Variants in CTSB observed in about 807,000 individuals in gnomAD.
The protein encoded by CTSB is APP secretase.
A neutral mutation model predicts 44.3 loss-of-function variants in CTSB; 57 were observed. That is an observed-to-expected ratio of 1.29 (90% CI 1.04 to 1.60). CTSB has a LOEUF of 1.60. CTSB is among the 40% of genes most tolerant of loss of function. The pLI is 0.00. For synonymous variants in CTSB, 320 were observed against 168.0 expected (o/e 1.91, Z -7.00); for missense variants, 768 against 443.0 (o/e 1.73, Z -6.59).
rs2130983958 is a variant in CTSB at position 11,845,794 on chromosome 8, A to G, written c.794-5T>C. 6.2e-7 allele frequency: 1 copy of G among 1,610,908 alleles called. No homozygotes were observed. The highest frequency in any genetic ancestry group is 8.5e-7 in the Non-Finnish European group (1 of 1,177,916). On this transcript the variant is annotated splice_region_variant and splice_polypyrimidine_tract_variant and intron_variant, in intron 8 of 9. Transcript: ENST00000353047. Reference sequence around the variant, plus strand: ...CGGTGACGTGTTGGTACACTCCTGAAAAGGGAAGAACTGGCTGAGACCGAG... The same window carrying G: ...CGGTGACGTGTTGGTACACTCCTGAGAAGGGAAGAACTGGCTGAGACCGAG...
At chr8:11,847,011 C>T in intron 8 of CTSB, 41 bp downstream of exon 8, 2 of 993,658 alleles carry the variant, frequency 2.0e-6, no homozygotes, top group South Asian at 2.5e-5. Flanking sequence ...GGCTCCCCTC[C>T]CGACCCCCAC....
At position 11,849,067 on chromosome 8, in the gene CTSB, C is replaced by T; in HGVS notation, c.425G>A (p.Cys142Tyr). Reference sequence around the variant, plus strand: ...TCACCCGTCCCCACACATGCTGCCACAGCATGTGAGCAGGTCCTCCGCCGA... The same window carrying T: ...TCACCCGTCCCCACACATGCTGCCATAGCATGTGAGCAGGTCCTCCGCCGA... ...EVSAEDLLTC[C>Y]GSMCGDGCNG... The change falls in exon 5 of 10, where the codon TGT becomes TAT. Residue 142 changes from cysteine to tyrosine, a missense_variant. By Grantham distance (194) the Cys-to-Tyr change is radical. Coordinates refer to ENST00000353047, the MANE Select transcript of CTSB (RefSeq NM_001908.5). 1 of 1,613,284 alleles carries T rather than the reference C, an allele frequency of 6.2e-7. No individual in the cohort carries two copies. The highest frequency in any genetic ancestry group is 8.5e-7 in the Non-Finnish European group (1 of 1,179,582).
At chr8:11,858,294 TG>T (rs1438319007) in intron 1 of CTSB, among the ~76,000 whole-genome samples, 1 of 152,144 alleles carries the variant, frequency 6.6e-6, no homozygotes, top group African/African-American at 2.4e-5. Flanking sequence ...AAAACAAGTT[TG>T]TTTTTTTTGT....
chr8:11,848,684 A>T (rs1415374695), intron 5 of CTSB: 7 of 301,640 alleles, frequency 2.3e-5, no homozygotes, highest in South Asian at 2.3e-4. Context: ...CTTGTTGTTA[A>T]GGTGGAGCCA....
chr8:11,845,279 A>G, intron 9 of CTSB, 57 bp from the exon 10 acceptor site: 1 of 1,337,234 alleles, frequency 7.5e-7, no homozygotes, highest in Non-Finnish European at 1.1e-6. Flanking sequence ...CAATATAGTC[A>G]GACTCATCCT....
At chr8:11,859,902 G>C (rs986321361) in intron 1 of CTSB, among the ~76,000 whole-genome samples, 1 of 150,954 alleles carries the variant, frequency 6.6e-6, no homozygotes, top group Non-Finnish European at 1.5e-5. Flanking sequence ...GTGAAACCCT[G>C]TCTCTACTAA....
chr8:11,865,749 C>G (rs890909823), intron 1 of CTSB, among the ~76,000 whole-genome samples: 2 of 151,374 alleles, frequency 1.3e-5, no homozygotes, highest in African/African-American at 4.9e-5. Context: ...GTGGCTCATG[C>G]CTGTAATCCT....
At chr8:11,856,198 G>C (rs1815482085) in intron 1 of CTSB, among the ~76,000 whole-genome samples, 1 of 134,062 alleles carries the variant, frequency 7.5e-6, no homozygotes, top group Non-Finnish European at 1.6e-5. Flanking sequence ...GGGTGGGTGG[G>C]CACAACCACC....
At position 11,846,891 on chromosome 8, in the gene CTSB, CCA is replaced by C. The variant is rs148953753; in HGVS notation, c.793+159_793+160del. ...AAAGACAGTCAGGTGCCAGGCTGGTCCACAGAGGAGTGAGCCTATATGGAAGG... is the reference window on the plus strand; with the variant it reads ...AAAGACAGTCAGGTGCCAGGCTGGTCCAGAGGAGTGAGCCTATATGGAAGG... On this transcript the variant is annotated intron_variant, in intron 8 of 9. Transcript: ENST00000353047. 7.4e-4 allele frequency: 451 copies of C among 609,512 alleles called. No homozygotes were observed. In the African/African-American group the frequency reaches 7.5e-3, roughly 10 times the overall value. 37.8% of individuals were successfully genotyped at this position (609,512 alleles called of 1,614,324 possible). A position where few individuals can be genotyped will look rare whatever the true frequency, so the allele number is the denominator to read the frequency against.
intron 1 of CTSB, among the ~76,000 whole-genome samples, chr8:11,855,189 T>A (rs1264431012): frequency 6.6e-6 from 1 of 152,086 alleles, no homozygotes; most frequent in Non-Finnish European, 1.5e-5. Context: ...GCCCAGCTAA[T>A]TTTCATATTT....
At chr8:11,860,855 G>A (rs1010145754) in intron 1 of CTSB, among the ~76,000 whole-genome samples, 1 of 152,162 alleles carries the variant, frequency 6.6e-6, no homozygotes, top group African/African-American at 2.4e-5. Context: ...AGTTGCTCCT[G>A]AAGTTTTGAC....
rs1385363647 is a variant in CTSB, at chr8:11,849,146, C to T, written c.346G>A (p.Ala116Thr). 1.9e-6 allele frequency: 3 copies of T among 1,612,514 alleles called. No individual in the cohort carries two copies. Among genetic ancestry groups the T allele is most frequent in the Admixed American group, 1.7e-5 (1 of 59,986 alleles). The stretch of plus-strand genomic sequence containing the variant: ...TGGATGCAGATCCGGTCAGAGATGG[C>T]TTCCACAGCCCCGAAGGCCTGCAGG... ...GSCWAFGAVE[A>T]ISDRICIHTN... The change falls in exon 5 of 10, where the codon GCC (alanine) becomes ACC (threonine). Residue 116 changes from alanine (A) to threonine (T), a missense_variant. Transcript: ENST00000353047.
rs1396751370 is a variant in CTSB, at chr8:11,842,810, A to G, written c.*2315T>C. On this transcript the variant is annotated 3_prime_UTR_variant, in exon 10 of 10. Transcript: ENST00000353047. ...TGCCAGCATGCTTGGCTAATTTTGT[A>G]TTTTTAGTAGAGATGGGGTTTCACC... The G allele has an allele frequency of 7.1e-6, 1 of 141,066 alleles. No individual in the cohort carries two copies. The highest frequency in any genetic ancestry group is 2.7e-5 in the African/African-American group (1 of 37,412). The allele number at this position is 141,066 out of a possible 1,614,324, so 8.7% of individuals were successfully genotyped here.
At chr8:11,848,242 CGTG>C (rs1563391206) in intron 5 of CTSB, 90 bp from the exon 6 acceptor site, 2 of 1,121,542 alleles carry the variant, frequency 1.8e-6, no homozygotes, top group Non-Finnish European at 2.7e-6. Context: ...CGAGGCCACT[CGTG>C]GACCCACCCC....
chr8:11,858,513 C>G (rs542359059), intron 1 of CTSB, among the ~76,000 whole-genome samples: 132 of 152,288 alleles, frequency 8.7e-4, no homozygotes, highest in African/African-American at 3.1e-3. Flanking sequence ...TGGTCTCAAA[C>G]TCCTGGACTC....
chr8:11,860,009 T>G (rs951838965), intron 1 of CTSB, among the ~76,000 whole-genome samples: 1 of 150,910 alleles, frequency 6.6e-6, no homozygotes, highest in African/African-American at 2.4e-5. Context: ...GAGGCAGAGG[T>G]TGCAGTGAGC....
Position 11,852,701 on chromosome 8 carries a change from A to G in CTSB, c.127-6T>C, listed in dbSNP as rs1445983073. On this transcript the variant is annotated splice_polypyrimidine_tract_variant and splice_region_variant and intron_variant, in intron 2 of 9. Coordinates refer to ENST00000353047, the MANE Select transcript of CTSB (RefSeq NM_001908.5). ...TTGTAGAAGTTGTGCCCGGCCTGGA[A>G]GAGAGTCACCCACTGACTGAAGGGT... 1.2e-6 allele frequency: 2 copies of G among 1,613,444 alleles called. No homozygotes were observed. The highest frequency in any genetic ancestry group is 1.1e-5 in the South Asian group (1 of 91,066).
At position 11,844,006 on chromosome 8, in the gene CTSB, C is replaced by T. The variant is rs769563659; in HGVS notation, c.*1119G>A. The T allele has an allele frequency of 6.6e-6, 1 of 151,482 alleles. No individual in the cohort carries two copies. Among genetic ancestry groups the T allele is most frequent in the African/African-American group, 2.5e-5 (1 of 40,768 alleles). The allele number at this position is 151,482 out of a possible 1,614,324, so 9.4% of individuals were successfully genotyped here. A position where few individuals can be genotyped will look rare whatever the true frequency, so the allele number is the denominator to read the frequency against. Reference sequence around the variant, plus strand: ...TGAGAAGGCGCCACTGCACTCCAGCCTGGGAGACGGAATCTCACTCTGTCA... The same window carrying T: ...TGAGAAGGCGCCACTGCACTCCAGCTTGGGAGACGGAATCTCACTCTGTCA... On this transcript the variant is annotated 3_prime_UTR_variant, in exon 10 of 10. Transcript: ENST00000353047.
At chr8:11,864,892 G>A (rs1235473059) in intron 1 of CTSB, among the ~76,000 whole-genome samples, 3 of 113,110 alleles carry the variant, frequency 2.7e-5, no homozygotes, top group African/African-American at 3.8e-5. Flanking sequence ...CAGCCTGGGT[G>A]ACAGAGTGAA....
Sources: allele counts gnomAD v4.1 joint callset (sites outside exome capture counted in the v4.1 genomes callset), GRCh38; gene constraint gnomAD v4.1.1; transcripts MANE v1.5; gene names NCBI Gene and HGNC (gene_info 2026-07-23, HGNC 2026-07-21).